Variants in PAPSS2 observed in about 807,000 individuals in gnomAD.
The protein encoded by PAPSS2 is bifunctional 3'-phosphoadenosine 5'-phosphosulfate synthase 2.
A neutral mutation model predicts 66.5 loss-of-function variants in PAPSS2; 61 were observed. That is an observed-to-expected ratio of 0.92 (90% confidence interval 0.75 to 1.14). The LOEUF is 1.14. Ranked by LOEUF, PAPSS2 falls within the 50% of genes most tolerant of loss-of-function variation. PAPSS2 has a pLI of 0.00. For synonymous variants in PAPSS2, 289 were observed against 287.5 expected, an observed-to-expected ratio of 1.01 and a Z score of -0.05; for missense variants, 708 against 789.6, an observed-to-expected ratio of 0.90 and a Z score of 1.24.
rs149979248 is a variant in PAPSS2, at chr10:87,726,022, G to C, written c.881-1262G>C. Among the ~76,000 whole-genome samples the C allele has an allele frequency of 1.9e-4, 29 of 152,194 alleles. No individual in the cohort carries two copies. The East Asian group carries it at 4.6e-3, about 24-fold the overall frequency. On this transcript the variant is annotated intron_variant, in intron 8 of 12. Transcript: ENST00000456849. The stretch of plus-strand genomic sequence containing the variant: ...GCCTCCCAAAATGCTGGGATTATAG[G>C]TGTAAGCCACTGCACCTGGCTGAAA...
At chr10:87,738,290 C>T (rs1853824382) in intron 9 of PAPSS2, among the ~76,000 whole-genome samples, 1 of 152,192 alleles carries the variant, frequency 6.6e-6, no homozygotes, top group Non-Finnish European at 1.5e-5. Context: ...TGAGGAACCT[C>T]CATACTGTTT....
At chr10:87,718,361 G>T (rs947947486) in intron 7 of PAPSS2, among the ~76,000 whole-genome samples, 9 of 152,072 alleles carry the variant, frequency 5.9e-5, no homozygotes, top group African/African-American at 1.7e-4. Flanking sequence ...CTTATTTGAT[G>T]CTCACTACCG....
At chr10:87,733,101 C>T (rs958104192) in intron 9 of PAPSS2, among the ~76,000 whole-genome samples, 5 of 152,210 alleles carry the variant, frequency 3.3e-5, no homozygotes, top group South Asian at 2.1e-4. Context: ...GTTTTTAGAA[C>T]CCCACAGCTT....
rs78536106 is a variant in PAPSS2 at position 87,718,603 on chromosome 10, G to A, written c.865+2760G>A. Among the ~76,000 whole-genome samples the A allele has an allele frequency of 3.3e-3, 500 of 152,298 alleles. 8 individuals are homozygous for A. The East Asian group carries it at 0.038, about 12-fold the overall frequency. Reference sequence around the variant, plus strand: ...GCGTTTCCTGTGTTCCTGAGTCAGGGCCCCAGCCATGTGCCACTTGCTGTG... The same window carrying A: ...GCGTTTCCTGTGTTCCTGAGTCAGGACCCCAGCCATGTGCCACTTGCTGTG... On this transcript the variant is annotated intron_variant, in intron 7 of 12. Transcript: ENST00000456849.
intron 9 of PAPSS2, among the ~76,000 whole-genome samples, chr10:87,731,841 G>A (rs911113748): frequency 4.6e-5 from 7 of 152,200 alleles, no homozygotes; most frequent in African/African-American, 1.7e-4. Context: ...TCCTATGAAT[G>A]AGCAAATAAA....
chr10:87,706,108 ATGTGTG>A (rs150079044), intron 1 of PAPSS2, among the ~76,000 whole-genome samples: 29 of 51,976 alleles, frequency 5.6e-4, no homozygotes, highest in African/African-American at 1.5e-3. Flanking sequence ...ATATATATAT[ATGTGTG>A]TGTGTGTGTG....
At chr10:87,724,851 T>TAC (rs58668772) in intron 8 of PAPSS2, among the ~76,000 whole-genome samples, 1,412 of 138,322 alleles carry the variant, frequency 0.01, 20 homozygotes, top group East Asian at 0.054. Flanking sequence ...TCTCTGTCTA[T>TAC]ACACACACAC....
chr10:87,682,133 A>G (rs1381361820), intron 1 of PAPSS2, among the ~76,000 whole-genome samples: 1 of 152,214 alleles, frequency 6.6e-6, no homozygotes, highest in Non-Finnish European at 1.5e-5. Flanking sequence ...TACGAAGGGA[A>G]AAGGACAAGA....
intron 1 of PAPSS2, among the ~76,000 whole-genome samples, chr10:87,683,798 T>G (rs1462165185): frequency 6.6e-6 from 1 of 152,030 alleles, no homozygotes; most frequent in Non-Finnish European, 1.5e-5. Context: ...CAAGTGATCC[T>G]CTGGCCTCAG....
chr10:87,686,985 A>G (rs1252770410), intron 1 of PAPSS2, among the ~76,000 whole-genome samples: 1 of 152,230 alleles, frequency 6.6e-6, no homozygotes, highest in Non-Finnish European at 1.5e-5. Flanking sequence ...CTTCAGACAA[A>G]CAAGAAATAC....
chr10:87,724,619 TATTA>T (rs1413797648), intron 8 of PAPSS2, among the ~76,000 whole-genome samples: 1 of 147,378 alleles, frequency 6.8e-6, no homozygotes, highest in African/African-American at 2.5e-5. Context: ...CATGTACATA[TATTA>T]ATTTATACAT....
chr10:87,706,140 G>GTA (rs1227590809), intron 1 of PAPSS2, among the ~76,000 whole-genome samples: 29 of 113,230 alleles, frequency 2.6e-4, no homozygotes, highest in African/African-American at 8.2e-4. Flanking sequence ...GTGTGTGTGT[G>GTA]TATATATATA....
chr10:87,713,989 T>C, intron 3 of PAPSS2, 55 bp from the exon 4 acceptor site: 1 of 1,598,052 alleles, frequency 6.3e-7, no homozygotes, highest in Non-Finnish European at 8.6e-7. Context: ...TGTTTTGTGA[T>C]TTAGAATTTC....
chr10:87,709,449 T>G, intron 2 of PAPSS2, 136 bp downstream of exon 2: 1 of 592,354 alleles, frequency 1.7e-6, no homozygotes, highest in East Asian at 3.0e-5. Context: ...GTAGAAAGCC[T>G]GGGTGTTAGT....
At chr10:87,690,126 A>G (rs1354515407) in intron 1 of PAPSS2, among the ~76,000 whole-genome samples, 5 of 152,222 alleles carry the variant, frequency 3.3e-5, no homozygotes, top group Non-Finnish European at 5.9e-5. Context: ...TCACATGCAA[A>G]AAATTAAGTA....
chr10:87,724,851 T>TACACACACACAC (rs58668772), intron 8 of PAPSS2, among the ~76,000 whole-genome samples: 32 of 138,336 alleles, frequency 2.3e-4, no homozygotes, highest in African/African-American at 5.6e-4. Context: ...TCTCTGTCTA[T>TACACACACACAC]ACACACACAC....
At chr10:87,689,502 A>G (rs1021729396) in intron 1 of PAPSS2, among the ~76,000 whole-genome samples, 2 of 151,858 alleles carry the variant, frequency 1.3e-5, no homozygotes, top group African/African-American at 2.4e-5. Flanking sequence ...CCCCGTCTCT[A>G]CTAAATACAA....
chr10:87,742,076 T>G lies in PAPSS2; in HGVS notation c.1222+706T>G, dbSNP rs142584514. On this transcript the variant is annotated intron_variant, in intron 10 of 12. Coordinates refer to ENST00000456849, the MANE Select transcript of PAPSS2 (RefSeq NM_001015880.2). ...ATGCCTGGCTTCAGCATTTTTATAG[T>G]TAAAAATAACCTGAAAACATCTTCT... Among the ~76,000 whole-genome samples, 27 of 152,280 alleles carry G rather than the reference T, an allele frequency of 1.8e-4. No homozygotes were observed. In the East Asian group the frequency reaches 4.8e-3, roughly 27 times the overall value.
At chr10:87,661,625 T>C (rs1852753942) in intron 1 of PAPSS2, among the ~76,000 whole-genome samples, 1 of 152,080 alleles carries the variant, frequency 6.6e-6, no homozygotes, top group Non-Finnish European at 1.5e-5. Flanking sequence ...ATGCCTCCAG[T>C]CGGCAGGAGC....
Sources: gnomAD v4.1 joint callset for allele counts (sites outside exome capture counted in the v4.1 genomes callset) on GRCh38, gnomAD v4.1.1 for gene constraint, MANE v1.5 for transcripts, NCBI Gene and HGNC (gene_info 2026-07-23, HGNC 2026-07-21) for gene names.